Variants in FGF14 observed in about 807,000 individuals in gnomAD.
FGF14 encodes fibroblast growth factor homologous factor 4.
A neutral mutation model predicts 25.5 loss-of-function variants in FGF14; 5 were observed. The ratio of observed to expected loss-of-function variants is 0.20; its 90% CI spans 0.10 to 0.41. FGF14 has a LOEUF of 0.41. Among genes scored for constraint, FGF14 ranks in the 10% least tolerant of loss-of-function variants. The pLI is 1.00. For synonymous variants in FGF14, 138 were observed against 118.3 expected (o/e 1.17, Z -1.08); for missense variants, 222 against 320.1 (o/e 0.69, Z 2.34).
chr13:102,241,902 T>G (rs986051378), intron 1 of FGF14, among the ~76,000 whole-genome samples: 8 of 152,124 alleles, frequency 5.3e-5, no homozygotes, highest in African/African-American at 1.7e-4. Flanking sequence ...TTGCTTTGTA[T>G]TTAAGATTCA....
At chr13:101,898,940 T>C (rs943588926) in intron 1 of FGF14, among the ~76,000 whole-genome samples, 1 of 152,172 alleles carries the variant, frequency 6.6e-6, no homozygotes, top group Non-Finnish European at 1.5e-5. Context: ...GCTTCAAAAG[T>C]GGAGGAAGGC....
chr13:101,770,578 GTTTTC>G (rs1280853695), intron 3 of FGF14, among the ~76,000 whole-genome samples: 1 of 152,044 alleles, frequency 6.6e-6, no homozygotes, highest in Non-Finnish European at 1.5e-5. Context: ...TCATCTAATT[GTTTTC>G]TTTTCTTGTA....
upstream of FGF14, among the ~76,000 whole-genome samples, chr13:101,920,664 G>A (rs560878943): frequency 8.8e-4 from 134 of 152,050 alleles, no homozygotes; most frequent in Non-Finnish European, 1.8e-3. Context: ...TATTCCCTAT[G>A]TATATTTCCT....
chr13:102,159,621 T>C (rs989668939), intron 1 of FGF14, among the ~76,000 whole-genome samples: 1 of 152,186 alleles, frequency 6.6e-6, no homozygotes, highest in Non-Finnish European at 1.5e-5. Context: ...AACTGTAGCA[T>C]AATTGTGTGC....
chr13:102,065,175 A>G (rs2042850309), intron 1 of FGF14, among the ~76,000 whole-genome samples: 2 of 152,230 alleles, frequency 1.3e-5, no homozygotes, highest in Non-Finnish European at 2.9e-5. Flanking sequence ...TTTCATGTCA[A>G]GGAGAAAGGA....
chr13:101,939,764 CA>C (rs534220774), intron 1 of FGF14, among the ~76,000 whole-genome samples: 2 of 152,206 alleles, frequency 1.3e-5, no homozygotes, highest in South Asian at 4.1e-4. Context: ...TCAATATGGA[CA>C]TTCTTTGTAT....
chr13:101,728,609 A>G (rs556483301), intron 3 of FGF14, among the ~76,000 whole-genome samples: 1 of 152,186 alleles, frequency 6.6e-6, no homozygotes, highest in East Asian at 1.9e-4. Context: ...GGTTGAAACT[A>G]TACTTTCTCA....
At chr13:101,923,528 GTTAA>G in intron 1 of FGF14, among the ~76,000 whole-genome samples, 1 of 152,168 alleles carries the variant, frequency 6.6e-6, no homozygotes, top group Non-Finnish European at 1.5e-5. Flanking sequence ...TTTTCAACTA[GTTAA>G]TTAAGACTGA....
chr13:101,772,672 T>C (rs2038853556), intron 3 of FGF14, among the ~76,000 whole-genome samples: 1 of 152,118 alleles, frequency 6.6e-6, no homozygotes, highest in Non-Finnish European at 1.5e-5. Context: ...AGATACATTA[T>C]GTGGCAATGA....
Position 102,089,867 on chromosome 13 carries a change from T to C in FGF14, c.209-214571A>G, listed in dbSNP as rs141412748. 5.2e-4 allele frequency among the ~76,000 whole-genome samples: 79 copies of C among 152,374 alleles called. 1 individual carries two copies. The East Asian group carries it at 0.013, about 25-fold the overall frequency. On this transcript the variant is annotated intron_variant, in intron 1 of 4. Transcript: ENST00000376131. Reference sequence around the variant, plus strand: ...TCTTACAAGCAGTTCTTTTCTGCACTGTGTAGCTATGAAAGTACTCTTTAT... The same window carrying C: ...TCTTACAAGCAGTTCTTTTCTGCACCGTGTAGCTATGAAAGTACTCTTTAT...
chr13:101,764,457 T>A (rs544043523), intron 3 of FGF14, among the ~76,000 whole-genome samples: 1 of 152,300 alleles, frequency 6.6e-6, no homozygotes, highest in African/African-American at 2.4e-5. Flanking sequence ...TCACTGGTGA[T>A]CTCCCAACTC....
At chr13:102,137,809 G>A (rs540623665) in intron 1 of FGF14, among the ~76,000 whole-genome samples, 10 of 151,578 alleles carry the variant, frequency 6.6e-5, no homozygotes, top group African/African-American at 2.4e-4. Context: ...CCTTCAAGTG[G>A]GTAAGGCTTT....
Position 102,176,629 on chromosome 13 carries a change from G to C in FGF14, c.208+224842C>G, listed in dbSNP as rs564785014. Among the ~76,000 whole-genome samples the C allele has an allele frequency of 1.7e-4, 26 of 152,210 alleles. No homozygotes were observed. The South Asian group carries it at 5.0e-3, about 29-fold the overall frequency. On this transcript the variant is annotated intron_variant, in intron 1 of 4. Coordinates refer to the FGF14 transcript ENST00000376131. The stretch of plus-strand genomic sequence containing the variant: ...AGTTCCACAAAATGAGTAAGTTCAT[G>C]AGATCTGGGGTATCTGTGGTTAACA...
intron 1 of FGF14, chr13:102,366,668 C>T (rs1401011670): frequency 6.7e-6 from 1 of 149,204 alleles, no homozygotes; most frequent in African/African-American, 2.5e-5. Context: ...TTCTGTCTTC[C>T]TCCTGACAGT....
At chr13:101,783,581 T>G (rs1413695020) in intron 3 of FGF14, among the ~76,000 whole-genome samples, 1 of 152,122 alleles carries the variant, frequency 6.6e-6, no homozygotes, top group Non-Finnish European at 1.5e-5. Flanking sequence ...TAGACCTCTG[T>G]TGAATGTATA....
At chr13:101,734,678 T>C (rs1372477769) in intron 3 of FGF14, among the ~76,000 whole-genome samples, 2 of 152,060 alleles carry the variant, frequency 1.3e-5, no homozygotes, top group East Asian at 3.9e-4. Flanking sequence ...CTTATGCATA[T>C]TTCTATGTTG....
At chr13:102,249,360 T>TA (rs982549551) in intron 1 of FGF14, among the ~76,000 whole-genome samples, 1 of 152,068 alleles carries the variant, frequency 6.6e-6, no homozygotes, top group Non-Finnish European at 1.5e-5. Flanking sequence ...GCACAAGTGC[T>TA]AAAAAAACAA....
intron 3 of FGF14, among the ~76,000 whole-genome samples, chr13:101,823,314 ACTCT>A (rs954275708): frequency 1.5e-4 from 22 of 147,962 alleles, no homozygotes; most frequent in African/African-American, 5.2e-4. Context: ...CTATTATTCT[ACTCT>A]CTCTCTCTCT....
Position 101,865,220 on chromosome 13 carries a change from C to T in FGF14, c.408+3505G>A, listed in dbSNP as rs1002793438. On this transcript the variant is annotated intron_variant, in intron 3 of 4. Coordinates refer to ENST00000376143, the MANE Select transcript of FGF14 (RefSeq NM_004115.4). ...TATTGTTTACAATTTACATTCCAAA[C>T]CTTAGCTTTCTACGGAAGATTTTCT... is the stretch of plus-strand genomic sequence containing the variant. 2.2e-4 allele frequency among the ~76,000 whole-genome samples: 33 copies of T among 152,080 alleles called. 2 individuals are homozygous for T. Among genetic ancestry groups the T allele is most frequent in the Admixed American group, 2.1e-3 (32 of 15,248 alleles).
Sources: allele counts gnomAD v4.1 joint callset (sites outside exome capture counted in the v4.1 genomes callset), GRCh38; gene constraint gnomAD v4.1.1; transcripts MANE v1.5; gene names NCBI Gene and HGNC (gene_info 2026-07-23, HGNC 2026-07-21).